Variants in SLIT1 observed in about 807,000 individuals in gnomAD.
SLIT1 encodes slit homolog 1 protein.
SLIT1 carries 66 observed loss-of-function variants against 186.1 expected under a neutral mutation model. The observed-to-expected ratio is 0.35, with a 90% CI of 0.29 to 0.44. The LOEUF is 0.44. Among genes scored for constraint, SLIT1 ranks in the 20% least tolerant of loss-of-function variants. The probability of loss-of-function intolerance (pLI) is 1.00; values close to 1 mark genes in which losing one functional copy is unlikely to be tolerated. For missense variants in SLIT1, 1,638 were observed against 2,037.4 expected (o/e 0.80, Z 3.77); for synonymous variants, 761 against 833.8 (o/e 0.91, Z 1.50).
chr10:97,103,976 C>T (rs1276481870), intron 4 of SLIT1, among the ~76,000 whole-genome samples: 1 of 152,192 alleles, frequency 6.6e-6, no homozygotes, highest in African/African-American at 2.4e-5. Context: ...CTGCTGAGCA[C>T]CCCTGTGCAT....
At chr10:97,106,636 A>G (rs1430981969) in intron 4 of SLIT1, among the ~76,000 whole-genome samples, 1 of 140,862 alleles carries the variant, frequency 7.1e-6, no homozygotes, top group Non-Finnish European at 1.5e-5. Context: ...AAACAAATTA[A>G]AGTTGTTTTT....
chr10:97,058,411 A>G (rs1208589339), intron 11 of SLIT1, among the ~76,000 whole-genome samples: 2 of 152,196 alleles, frequency 1.3e-5, no homozygotes, highest in African/African-American at 4.8e-5. Context: ...TTAGACTGCC[A>G]TGTTCCAACT....
At chr10:97,157,603 G>T in intron 4 of SLIT1, 2 of 568,408 alleles carry the variant, frequency 3.5e-6, no homozygotes, top group Non-Finnish European at 6.2e-6. Context: ...ATGAACTGCG[G>T]GTTCTTCCAA....
At chr10:97,138,244 T>G (rs2134700462) in intron 4 of SLIT1, among the ~76,000 whole-genome samples, 1 of 152,342 alleles carries the variant, frequency 6.6e-6, no homozygotes, top group African/African-American at 2.4e-5. Flanking sequence ...TATATTTGGG[T>G]AGCACCAGAG....
intron 11 of SLIT1, among the ~76,000 whole-genome samples, chr10:97,058,970 C>T (rs189030432): frequency 6.6e-6 from 1 of 152,196 alleles, no homozygotes; most frequent in Non-Finnish European, 1.5e-5. Flanking sequence ...GAGGAGCGGG[C>T]AAACACTGTC....
intron 4 of SLIT1, among the ~76,000 whole-genome samples, chr10:97,099,170 C>T (rs561417730): frequency 1.3e-5 from 2 of 151,926 alleles, no homozygotes; most frequent in East Asian, 1.9e-4. Context: ...GCTGTGACTG[C>T]CCCTCCCTCA....
chr10:97,011,084 G>A lies in SLIT1; in HGVS notation c.3250C>T (p.Gln1084Ter). Residue 1084 changes from glutamine to a stop codon, truncating the protein, a stop_gained, in exon 31 of 37, where the codon CAG (glutamine) becomes TAG (stop). Transcript: ENST00000266058. LOFTEE classifies it high-confidence loss of function. ...GYAGDNCSEN[Q>*]DDCRDHRCQN... The stretch of plus-strand genomic sequence containing the variant: ...CAGCGGTGGTCCCTGCAGTCATCCT[G>A]GTTCTCACTGCAGTTGTCACCTGCA... 2.5e-6 allele frequency: 4 copies of A among 1,613,506 alleles called. No homozygotes were observed. The highest frequency in any genetic ancestry group is 3.4e-6 in the Non-Finnish European group (4 of 1,179,536).
At chr10:97,032,743 C>A (rs1183901682) in intron 23 of SLIT1, among the ~76,000 whole-genome samples, 1 of 118,256 alleles carries the variant, frequency 8.5e-6, no homozygotes, top group Non-Finnish European at 2.0e-5. Flanking sequence ...CTGGAAACAG[C>A]CCCCGTGTTC....
chr10:97,086,436 G>A (rs1849160316), intron 4 of SLIT1, among the ~76,000 whole-genome samples: 1 of 151,984 alleles, frequency 6.6e-6, no homozygotes, highest in African/African-American at 2.4e-5. Flanking sequence ...AAATTAGCCA[G>A]GCATGGTGGT....
At chr10:97,037,141 C>T (rs1187325406) in intron 22 of SLIT1, among the ~76,000 whole-genome samples, 2 of 150,412 alleles carry the variant, frequency 1.3e-5, no homozygotes, top group African/African-American at 4.9e-5. Context: ...GTTGCCCAGG[C>T]TGGAGTGCAA....
chr10:97,072,331 T>A (rs576085276), intron 4 of SLIT1, among the ~76,000 whole-genome samples: 13 of 152,144 alleles, frequency 8.5e-5, no homozygotes, highest in Non-Finnish European at 1.5e-4. Context: ...GCTAATTTTT[T>A]AAAAAATATT....
At chr10:97,005,777 G>T (rs968361173) in intron 32 of SLIT1, among the ~76,000 whole-genome samples, 1 of 152,122 alleles carries the variant, frequency 6.6e-6, no homozygotes. Context: ...AGCAGAATGC[G>T]CATGTTTGAG....
intron 4 of SLIT1, among the ~76,000 whole-genome samples, chr10:97,144,949 C>A (rs1391302737): frequency 3.3e-5 from 5 of 152,062 alleles, no homozygotes; most frequent in Non-Finnish European, 7.4e-5. Context: ...GGTTAGGTAA[C>A]TTGTCCAGAG....
chr10:97,026,464 CTAAATAAA>C (rs10624448), intron 25 of SLIT1, among the ~76,000 whole-genome samples: 16,187 of 149,496 alleles, frequency 0.11, 1,459 homozygotes, highest in African/African-American at 0.25. Context: ...AACTCCGTCT[CTAAATAAA>C]TAAATAAATA....
At chr10:97,127,001 G>A (rs1213662707) in intron 4 of SLIT1, among the ~76,000 whole-genome samples, 1 of 152,104 alleles carries the variant, frequency 6.6e-6, no homozygotes, top group Non-Finnish European at 1.5e-5. Context: ...GGCTTTAAAG[G>A]TTTTGAAGGC....
At chr10:97,142,804 G>A (rs1385030696) in intron 4 of SLIT1, among the ~76,000 whole-genome samples, 1 of 152,072 alleles carries the variant, frequency 6.6e-6, no homozygotes, top group Non-Finnish European at 1.5e-5. Flanking sequence ...TAAATAGTAG[G>A]CAAAAGACTT....
At chr10:97,074,926 T>C (rs1849032289) in intron 4 of SLIT1, among the ~76,000 whole-genome samples, 1 of 152,342 alleles carries the variant, frequency 6.6e-6, no homozygotes, top group Admixed American at 6.5e-5. Flanking sequence ...TCTAACCTGA[T>C]TGGTCCCTGC....
At chr10:97,051,296 T>A (rs548338503) in intron 13 of SLIT1, among the ~76,000 whole-genome samples, 2 of 151,490 alleles carry the variant, frequency 1.3e-5, no homozygotes, top group East Asian at 3.9e-4. Flanking sequence ...CAAGTGTTGG[T>A]GAGGCTGAGA....
At chr10:97,027,867 C>T (rs142446820) in intron 25 of SLIT1, among the ~76,000 whole-genome samples, 3 of 152,304 alleles carry the variant, frequency 2.0e-5, no homozygotes, top group East Asian at 1.9e-4. Context: ...AGGTAGCCAA[C>T]TGCACATCTG....
Sources: gnomAD v4.1 joint callset for allele counts (sites outside exome capture counted in the v4.1 genomes callset) on GRCh38, gnomAD v4.1.1 for gene constraint, MANE v1.5 for transcripts, NCBI Gene and HGNC (gene_info 2026-07-23, HGNC 2026-07-21) for gene names.